Variants in SAFB observed in about 807,000 individuals in gnomAD.
SAFB encodes scaffold attachment factor B.
In SAFB, 15 loss-of-function variants were observed where a neutral mutation model predicts 101.6. The observed-to-expected ratio is 0.15, with a 90% CI of 0.10 to 0.23. SAFB has a LOEUF of 0.23. Among genes scored for constraint, SAFB ranks in the 10% least tolerant of loss-of-function variants. The pLI is 1.00. For synonymous variants in SAFB, 449 were observed against 407.5 expected (o/e 1.10, Z -1.23); for missense variants, 930 against 1,104.1 (o/e 0.84, Z 2.23).
chr19:5,646,312 T>A (rs566213038), intron 5 of SAFB, among the ~76,000 whole-genome samples: 1 of 152,190 alleles, frequency 6.6e-6, no homozygotes, highest in Non-Finnish European at 1.5e-5. Context: ...GCTCCAACCT[T>A]GAGGAGGGCA....
chr19:5,667,204 G>A lies in SAFB; in HGVS notation c.2453+40G>A, dbSNP rs764458401. 2.1e-4 allele frequency: 241 copies of A among 1,157,556 alleles called. No individual in the cohort carries two copies. The highest frequency in any genetic ancestry group is 2.7e-4 in the Non-Finnish European group (218 of 818,962). The allele number at this position is 1,157,556 out of a possible 1,614,324, so 71.7% of individuals were successfully genotyped here. A position where few individuals can be genotyped will look rare whatever the true frequency, so the allele number is the denominator to read the frequency against. ...CCCGACAGTACCTGACCCCCCCCCC[G>A]CCCACAAGGGGGCCCGCAAGTCGCT... On this transcript the variant is annotated intron_variant, in intron 18 of 20. Coordinates refer to ENST00000588852, the MANE Select transcript of SAFB (RefSeq NM_001201338.2). The surrounding 1 kb of genome is among the most constrained non-coding windows in gnomAD (Gnocchi z 4.0).
chr19:5,623,746 G>T (rs765643432), intron 1 of SAFB, among the ~76,000 whole-genome samples: 1 of 151,982 alleles, frequency 6.6e-6, no homozygotes, highest in African/African-American at 2.4e-5. Flanking sequence ...CAGGCGAGGG[G>T]AAGGGACTCG....
In SAFB at chr19:5,668,369, A is replaced by AT. The variant is rs901852569; in HGVS notation, c.*87dup. On this transcript the variant is annotated 3_prime_UTR_variant, in exon 21 of 21. Coordinates refer to ENST00000588852, the MANE Select transcript of SAFB (RefSeq NM_001201338.2). ...GAGTTACCTTAAACTGTGTAAAAATATTTTTTTTTAATCTGCTGCCATATT... is the reference window on the plus strand; with the variant it reads ...GAGTTACCTTAAACTGTGTAAAAATATTTTTTTTTTAATCTGCTGCCATATT... 252 of 1,459,168 alleles carry AT rather than the reference A, an allele frequency of 1.7e-4. No homozygotes were observed. The highest frequency in any genetic ancestry group is 2.4e-4 in the African/African-American group (16 of 66,364). The allele number at this position is 1,459,168 out of a possible 1,614,324, so 90.4% of individuals were successfully genotyped here.
In SAFB at chr19:5,667,778, G is replaced by A. The variant is rs761741967; in HGVS notation, c.2558-42G>A. On this transcript the variant is annotated intron_variant, in intron 19 of 20. Transcript: ENST00000588852. This position sits in a 1 kb window ranked among gnomAD's most constrained non-coding sequence, Gnocchi z 4.0. ...CTAAATGTGCCGTGGGTTCCACGCCGTGTGCGCAAGTTCCCTGTGTGAAAG... is the reference window on the plus strand; with the variant it reads ...CTAAATGTGCCGTGGGTTCCACGCCATGTGCGCAAGTTCCCTGTGTGAAAG... The A allele has an allele frequency of 1.3e-5, 21 of 1,605,368 alleles. No homozygotes were observed. The highest frequency in any genetic ancestry group is 1.1e-4 in the East Asian group (5 of 44,816).
In SAFB at chr19:5,650,980, C is replaced by T. The variant is rs1372192563; in HGVS notation, c.1201C>T (p.Arg401Cys). 1.9e-6 allele frequency: 3 copies of T among 1,589,296 alleles called. No homozygotes were observed. Among genetic ancestry groups the T allele is most frequent in the African/African-American group, 1.4e-5 (1 of 73,912 alleles). The stretch of plus-strand genomic sequence containing the variant: ...ACTAGAATTTTCTTTTGAAATAGGT[C>T]GCAGCAGTTGTGGTAGAAATTTCTG... ...TKRLSKEEKG[R>C]SSCGRNFWVS... is the part of the protein sequence containing the mutation. Residue 401 changes from arginine to cysteine, a missense_variant and splice_region_variant, in exon 9 of 21, where the codon CGC becomes TGC. By Grantham distance (180) the Arg-to-Cys change is radical (BLOSUM62 -3). Coordinates refer to ENST00000588852, the MANE Select transcript of SAFB (RefSeq NM_001201338.2).
intron 4 of SAFB, among the ~76,000 whole-genome samples, chr19:5,644,104 CAG>C (rs1437914552): frequency 5.9e-5 from 9 of 151,846 alleles, no homozygotes; most frequent in African/African-American, 2.2e-4. Context: ...TTTTTCAAGA[CAG>C]GGTCTCATGG....
chr19:5,661,443 C>T, intron 14 of SAFB, 75 bp from the exon 15 acceptor site: 10 of 1,578,074 alleles, frequency 6.3e-6, no homozygotes, highest in Middle Eastern at 2.1e-4. Context: ...TGCGACCCAG[C>T]GTCTTACTTA....
chr19:5,667,996 G>A lies in SAFB; in HGVS notation c.2624+110G>A. 7.0e-7 allele frequency: 1 copy of A among 1,424,906 alleles called. No homozygotes were observed. Among genetic ancestry groups the A allele is most frequent in the Non-Finnish European group, 9.5e-7 (1 of 1,049,650 alleles). The allele number at this position is 1,424,906 out of a possible 1,614,324, so 88.3% of individuals were successfully genotyped here. ...AGCTAGTGCCCCTCCCCCCAAGGGT[G>A]ACGTGAGGCCAGGCATGGGGTACTG... On this transcript the variant is annotated intron_variant, in intron 20 of 20. Coordinates refer to ENST00000588852, the MANE Select transcript of SAFB (RefSeq NM_001201338.2). This position sits in a 1 kb window ranked among gnomAD's most constrained non-coding sequence, Gnocchi z 4.0.
At chr19:5,666,965 T>C in intron 17 of SAFB, 81 bp from the exon 18 acceptor site, 1 of 862,816 alleles carries the variant, frequency 1.2e-6, no homozygotes, top group Admixed American at 1.7e-5. Context: ...GTTGTCATCG[T>C]TAGCATGTTG....
intron 2 of SAFB, among the ~76,000 whole-genome samples, chr19:5,629,965 C>G (rs1370466972): frequency 6.6e-6 from 1 of 152,186 alleles, no homozygotes; most frequent in Non-Finnish European, 1.5e-5. Context: ...TAGCTTGAAC[C>G]TGGGAGACTG....
At chr19:5,650,654 G>C (rs1316555572) in intron 8 of SAFB, among the ~76,000 whole-genome samples, 3 of 151,980 alleles carry the variant, frequency 2.0e-5, no homozygotes, top group Non-Finnish European at 4.4e-5. Flanking sequence ...CTCGTGATTC[G>C]CCCACCTCAG....
chr19:5,646,344 G>A (rs1237696239), intron 5 of SAFB, among the ~76,000 whole-genome samples: 2 of 152,174 alleles, frequency 1.3e-5, no homozygotes, highest in Non-Finnish European at 2.9e-5. Flanking sequence ...AAAACGTGGT[G>A]AAACCCAGTT....
intron 6 of SAFB, 128 bp downstream of exon 6, chr19:5,648,171 A>G: frequency 1.3e-6 from 1 of 760,752 alleles, no homozygotes; most frequent in Non-Finnish European, 2.1e-6. Context: ...AAGGTTTACA[A>G]TCCAAAACCT....
chr19:5,661,601 G>T lies in SAFB; in HGVS notation c.1946G>T (p.Arg649Leu), dbSNP rs1327298562. The T allele has an allele frequency of 6.2e-7, 1 of 1,612,878 alleles. No individual in the cohort carries two copies. The highest frequency in any genetic ancestry group is 1.7e-5 in the Admixed American group (1 of 60,012). ...GAGCGTGAGCGGCTGGAGATTGCCCGAGAGAGGCTGGCCTTCCAGCGCCAG... is the reference window on the plus strand; with the variant it reads ...GAGCGTGAGCGGCTGGAGATTGCCCTAGAGAGGCTGGCCTTCCAGCGCCAG... ...REERERLEIA[R>L]ERLAFQRQRL... The change falls in exon 15 of 21, where the codon CGA becomes CTA. Residue 649 changes from arginine to leucine, a missense_variant. By Grantham distance (102) the Arg-to-Leu change is moderately radical. This residue lies in a region of SAFB where 159 missense variants were observed against 234.1 expected (regional missense o/e 0.68). Transcript: ENST00000588852.
rs572168511 is a variant in SAFB, at chr19:5,660,619, T to C, written c.1863-899T>C. 1.7e-3 allele frequency among the ~76,000 whole-genome samples: 256 copies of C among 147,562 alleles called. 2 individuals carry two copies. Among genetic ancestry groups the C allele is most frequent in the African/African-American group, 6.2e-3 (247 of 40,074 alleles). ...GAGCCTGGGCACAGTGGTTCATGCC[T>C]ATAATCCCAGCACTTTGGGAGGTGG... On this transcript the variant is annotated intron_variant, in intron 14 of 20. Transcript: ENST00000588852.
At chr19:5,661,908 G>A (rs1385175373) in intron 15 of SAFB, 100 bp downstream of exon 15, 20 of 870,558 alleles carry the variant, frequency 2.3e-5, no homozygotes, top group Non-Finnish European at 3.4e-5. Context: ...TTTTTGAGAC[G>A]GAGTCTTGCT....
chr19:5,640,299 C>T (rs578233745), intron 2 of SAFB, among the ~76,000 whole-genome samples: 1 of 149,878 alleles, frequency 6.7e-6, no homozygotes, highest in South Asian at 2.1e-4. Context: ...TCTTACCTAG[C>T]ATATTGGCAA....
rs771258129 is a variant in SAFB, at chr19:5,647,967, T to C, written c.610-49T>C. 22 of 1,518,642 alleles carry C rather than the reference T, an allele frequency of 1.4e-5. No individual in the cohort carries two copies. The Admixed American group carries it at 2.8e-4, about 20-fold the overall frequency. The allele number at this position is 1,518,642 out of a possible 1,614,324, so 94.1% of individuals were successfully genotyped here. ...ATTCTGGGTTTTCATTTAAATAAAC[T>C]GTAGGTGTCATTCATCTGGCACAGT... On this transcript the variant is annotated intron_variant, in intron 5 of 20. Transcript: ENST00000588852.
chr19:5,668,016 G>T, intron 20 of SAFB, 130 bp downstream of exon 20: 1 of 1,413,630 alleles, frequency 7.1e-7, no homozygotes, highest in African/African-American at 1.4e-5. Context: ...CAGGCATGGG[G>T]TACTGTGGAG....
Sources: gnomAD v4.1 joint callset for allele counts (sites outside exome capture counted in the v4.1 genomes callset) on GRCh38, gnomAD v4.1.1 for gene constraint, gnomAD v4.1.1 regional missense constraint, Gnocchi (gnomAD v3.1) non-coding constraint, MANE v1.5 for transcripts, NCBI Gene and HGNC (gene_info 2026-07-23, HGNC 2026-07-21) for gene names.